The following DDX4 variants were observed in gnomAD, a reference collection of about 807,000 sequenced individuals.
DDX4 encodes the protein probable ATP-dependent RNA helicase DDX4.
In DDX4, 25 loss-of-function variants were observed where a neutral mutation model predicts 100.0. The observed-to-expected ratio is 0.25, with a 90% CI of 0.18 to 0.35. The LOEUF is 0.35. Among genes scored for constraint, DDX4 ranks in the 10% least tolerant of loss-of-function variants. The probability of loss-of-function intolerance (pLI) is 1.00; values close to 1 mark genes in which losing one functional copy is unlikely to be tolerated. For synonymous variants in DDX4, 259 were observed against 275.7 expected, an observed-to-expected ratio of 0.94 and a Z score of 0.60; for missense variants, 635 against 882.4, an observed-to-expected ratio of 0.72 and a Z score of 3.55.
chr5:55,751,503 G>A (rs1759548449), intron 3 of DDX4, among the ~76,000 whole-genome samples: 1 of 152,210 alleles, frequency 6.6e-6, no homozygotes, highest in Non-Finnish European at 1.5e-5. Context: ...CCAAAGTGCT[G>A]GGATTATAGG....
chr5:55,809,639 A>T (rs1743989619), intron 18 of DDX4, among the ~76,000 whole-genome samples: 1 of 152,230 alleles, frequency 6.6e-6, no homozygotes, highest in South Asian at 2.1e-4. Flanking sequence ...ACTTTGTCAT[A>T]AAGTGTCAGT....
rs189098239 is a variant in DDX4 at position 55,753,212 on chromosome 5, T to G, written c.128-6988T>G. 2.6e-3 allele frequency among the ~76,000 whole-genome samples: 394 copies of G among 152,234 alleles called. 1 individual carries two copies. The highest frequency in any genetic ancestry group is 4.1e-3 in the African/African-American group (172 of 41,544). On this transcript the variant is annotated intron_variant, in intron 3 of 21. Coordinates refer to ENST00000505374, the MANE Select transcript of DDX4 (RefSeq NM_024415.3). ...AATTAGATCCCATTTGTCAATTTTG[T>G]CTTTTGTTGCCATTGCCCTATGAAG...
At chr5:55,764,771 A>T (rs1740782908) in intron 6 of DDX4, among the ~76,000 whole-genome samples, 1 of 152,184 alleles carries the variant, frequency 6.6e-6, no homozygotes, top group Non-Finnish European at 1.5e-5. Flanking sequence ...TAATTTTTCT[A>T]AGCCAGTTTT....
At position 55,739,043 on chromosome 5, in the gene DDX4, T is replaced by C; in HGVS notation, c.69+11T>C. ...CCCATATTTGAGAAGGTAATAACATTTAAAGTTTAGTTATTAAATGCTACG... is the reference window on the plus strand; with the variant it reads ...CCCATATTTGAGAAGGTAATAACATCTAAAGTTTAGTTATTAAATGCTACG... On this transcript the variant is annotated intron_variant, in intron 2 of 21. Coordinates refer to ENST00000505374, the MANE Select transcript of DDX4 (RefSeq NM_024415.3). 4 of 1,509,184 alleles carry C rather than the reference T, an allele frequency of 2.7e-6. No homozygotes were observed. Among genetic ancestry groups the C allele is most frequent in the Middle Eastern group, 1.7e-4 (1 of 5,880 alleles). 93.5% of individuals were successfully genotyped at this position (1,509,184 alleles called of 1,614,324 possible).
intron 18 of DDX4, among the ~76,000 whole-genome samples, chr5:55,809,012 A>T (rs1000977345): frequency 1.3e-5 from 2 of 152,224 alleles, no homozygotes; most frequent in Non-Finnish European, 2.9e-5. Context: ...AGCCTAGGCA[A>T]TGGCAGGTGC....
chr5:55,768,241 A>G (rs1352033546), intron 7 of DDX4, among the ~76,000 whole-genome samples: 6 of 152,158 alleles, frequency 3.9e-5, no homozygotes, highest in Admixed American at 2.6e-4. Context: ...GATAATAAGC[A>G]TAGTCCCTGA....
chr5:55,765,413 A>AATATATATATATAT (rs397997793), intron 6 of DDX4, among the ~76,000 whole-genome samples: 35 of 82,980 alleles, frequency 4.2e-4, no homozygotes, highest in African/African-American at 5.8e-4. Flanking sequence ...AAAAAAAAAA[A>AATATATATATATAT]ATATATATAT....
chr5:55,794,126 T>C (rs1414623992), intron 17 of DDX4, among the ~76,000 whole-genome samples: 1 of 152,082 alleles, frequency 6.6e-6, no homozygotes, highest in African/African-American at 2.4e-5. Flanking sequence ...AGGATATTTT[T>C]CTTTCTTAGT....
intron 17 of DDX4, among the ~76,000 whole-genome samples, chr5:55,794,219 C>G (rs1742769206): frequency 6.9e-6 from 1 of 144,616 alleles, no homozygotes; most frequent in Admixed American, 7.2e-5. Flanking sequence ...CTTGCTCTTG[C>G]TCTTGTCCCC....
intron 7 of DDX4, among the ~76,000 whole-genome samples, chr5:55,775,205 T>C (rs1217525743): frequency 1.3e-5 from 2 of 152,238 alleles, no homozygotes; most frequent in Non-Finnish European, 2.9e-5. Flanking sequence ...ACTACATTTC[T>C]TTTAATGGTT....
intron 18 of DDX4, among the ~76,000 whole-genome samples, chr5:55,806,774 TGTG>T (rs1265342875): frequency 1.3e-5 from 2 of 152,200 alleles, no homozygotes; most frequent in African/African-American, 4.8e-5. Context: ...ATAAGTGCGG[TGTG>T]GTGCTGAGAA....
chr5:55,807,936 C>G (rs1039162570), intron 18 of DDX4, among the ~76,000 whole-genome samples: 4 of 152,200 alleles, frequency 2.6e-5, no homozygotes, highest in African/African-American at 9.7e-5. Context: ...TCCATTCTCC[C>G]TGTCACTTTC....
At chr5:55,763,818 T>TA (rs1449519990) in intron 5 of DDX4, among the ~76,000 whole-genome samples, 196 bp from the exon 6 acceptor site, 3 of 152,164 alleles carry the variant, frequency 2.0e-5, no homozygotes, top group African/African-American at 7.2e-5. Flanking sequence ...AAGTTGTTTT[T>TA]AACCTTAAGA....
At chr5:55,762,411 G>A (rs1740621264) in intron 4 of DDX4, among the ~76,000 whole-genome samples, 1 of 152,162 alleles carries the variant, frequency 6.6e-6, no homozygotes, top group Non-Finnish European at 1.5e-5. Context: ...TGGGAATGTG[G>A]AAGAAGGATA....
chr5:55,756,389 T>C (rs1003629387), intron 3 of DDX4, among the ~76,000 whole-genome samples: 3 of 152,216 alleles, frequency 2.0e-5, no homozygotes, highest in Non-Finnish European at 2.9e-5. Flanking sequence ...CACTGAATTC[T>C]AAGTGTTAGT....
At position 55,760,219 on chromosome 5, in the gene DDX4, T is replaced by G; in HGVS notation, c.147T>G (p.Ser49=). The change falls in exon 4 of 22, where the codon TCT becomes TCG. Residue 49 remains serine, a synonymous_variant. Transcript: ENST00000505374. ...ASSSEMDDGP[S]RRDHFMKSGF... Reference sequence around the variant, plus strand: ...CTTTAGAAATGGATGATGGACCTTCTCGAAGAGATCATTTCATGAAAAGTG... The same window carrying G: ...CTTTAGAAATGGATGATGGACCTTCGCGAAGAGATCATTTCATGAAAAGTG... 6.4e-7 allele frequency: 1 copy of G among 1,568,232 alleles called. No individual in the cohort carries two copies. Among genetic ancestry groups the G allele is most frequent in the East Asian group, 2.4e-5 (1 of 41,250 alleles).
intron 18 of DDX4, among the ~76,000 whole-genome samples, chr5:55,812,344 G>A (rs771456487): frequency 5.5e-4 from 84 of 152,120 alleles, no homozygotes; most frequent in Non-Finnish European, 1.1e-3. Flanking sequence ...GGCGGATCAC[G>A]AGGTTAGGAG....
chr5:55,808,012 C>T (rs1034823884), intron 18 of DDX4, among the ~76,000 whole-genome samples: 10 of 152,116 alleles, frequency 6.6e-5, no homozygotes, highest in African/African-American at 1.9e-4. Context: ...AGGCTTTGTT[C>T]GTTTCTTTTT....
At chr5:55,739,294 G>A (rs1317935434) in intron 2 of DDX4, among the ~76,000 whole-genome samples, 2 of 152,182 alleles carry the variant, frequency 1.3e-5, no homozygotes, top group East Asian at 3.8e-4. Context: ...GACTTCCTCA[G>A]GTGAAAGCAA....
Sources: allele counts gnomAD v4.1 joint callset (sites outside exome capture counted in the v4.1 genomes callset), GRCh38; gene constraint gnomAD v4.1.1; transcripts MANE v1.5; gene names NCBI Gene and HGNC (gene_info 2026-07-23, HGNC 2026-07-21).